PDS5B: variants seen among roughly 807,000 people sequenced by gnomAD.
PDS5B encodes the protein PDS5 cohesin associated factor B.
In PDS5B, 51 loss-of-function variants were observed where a neutral mutation model predicts 184.1. That is an observed-to-expected ratio of 0.28 (90% confidence interval 0.22 to 0.35). The LOEUF (loss-of-function observed/expected upper bound fraction) is 0.35. Ranked by LOEUF, PDS5B falls within the 10% of genes least tolerant of loss-of-function variation. PDS5B has a pLI of 1.00. For missense variants in PDS5B, 1,180 were observed against 1,723.3 expected, an observed-to-expected ratio of 0.68 and a Z score of 5.58; for synonymous variants, 566 against 569.2, an observed-to-expected ratio of 0.99 and a Z score of 0.08.
chr13:32,663,641 G>A (rs893495558), intron 6 of PDS5B, among the ~76,000 whole-genome samples: 1 of 152,178 alleles, frequency 6.6e-6, no homozygotes, highest in Non-Finnish European at 1.5e-5. Context: ...TCTTTGATGT[G>A]AGGAACATTG....
At chr13:32,717,701 A>T (rs1344296460) in intron 19 of PDS5B, among the ~76,000 whole-genome samples, 3 of 149,472 alleles carry the variant, frequency 2.0e-5, no homozygotes, top group African/African-American at 7.5e-5. Context: ...AAAAAAAAAA[A>T]ATAAATAAAT....
intron 17 of PDS5B, 21 bp downstream of exon 17, chr13:32,701,459 A>C (rs764365652): frequency 7.2e-7 from 1 of 1,385,904 alleles, no homozygotes; most frequent in Non-Finnish European, 1.0e-6. Flanking sequence ...ATAAAATACT[A>C]AGTTCTCATT....
intron 11 of PDS5B, 73 bp downstream of exon 11, chr13:32,684,096 A>C (rs1831168596): frequency 1.4e-6 from 1 of 705,700 alleles, no homozygotes; most frequent in African/African-American, 1.9e-5. Context: ...TTGAAAATAT[A>C]TTTAAATATA....
intron 5 of PDS5B, 27 bp from the exon 6 acceptor site, chr13:32,659,127 T>G: frequency 1.3e-6 from 2 of 1,503,602 alleles, no homozygotes; most frequent in Non-Finnish European, 1.8e-6. Flanking sequence ...CAGTTGTAAT[T>G]GAAACAAAAT....
chr13:32,668,078 A>T lies in PDS5B; in HGVS notation c.705+234A>T, dbSNP rs573892474. 3.2e-4 allele frequency among the ~76,000 whole-genome samples: 49 copies of T among 152,286 alleles called. 1 individual carries two copies. The South Asian group carries it at 9.8e-3, about 30-fold the overall frequency. ...TTATCTTCTTTCAAATTGCCTGAGA[A>T]CTTAAACAGTTTTATTTTGGTTAGC... On this transcript the variant is annotated intron_variant, in intron 7 of 34. Transcript: ENST00000315596.
intron 1 of PDS5B, among the ~76,000 whole-genome samples, chr13:32,598,770 CTTT>C (rs756301581): frequency 3.2e-5 from 4 of 126,354 alleles, no homozygotes; most frequent in Admixed American, 8.2e-5. Flanking sequence ...TTTTTTCTCT[CTTT>C]TTTTTTTTTT....
intron 19 of PDS5B, among the ~76,000 whole-genome samples, chr13:32,713,057 A>G (rs574382771): frequency 6.6e-6 from 1 of 152,342 alleles, no homozygotes; most frequent in African/African-American, 2.4e-5. Flanking sequence ...GGATCCTGTC[A>G]TAACATGTGA....
At chr13:32,765,157 C>G (rs1392125538) in intron 31 of PDS5B, among the ~76,000 whole-genome samples, 3 of 152,170 alleles carry the variant, frequency 2.0e-5, no homozygotes, top group Non-Finnish European at 4.4e-5. Flanking sequence ...AGCATAGACA[C>G]AAAATACAGT....
intron 19 of PDS5B, among the ~76,000 whole-genome samples, chr13:32,719,537 C>A (rs1174653989): frequency 2.6e-5 from 4 of 151,324 alleles, no homozygotes; most frequent in Non-Finnish European, 5.9e-5. Flanking sequence ...TATGTGTTAC[C>A]CCCCACTCCC....
intron 1 of PDS5B, among the ~76,000 whole-genome samples, chr13:32,623,587 G>A (rs2058331117): frequency 6.6e-6 from 1 of 152,168 alleles, no homozygotes; most frequent in Non-Finnish European, 1.5e-5. Flanking sequence ...GCAAGATGGA[G>A]TCAGTTATGT....
intron 21 of PDS5B, among the ~76,000 whole-genome samples, chr13:32,738,716 C>A (rs139113554): frequency 0.026 from 4,007 of 152,150 alleles, 73 homozygotes; most frequent in Non-Finnish European, 0.04. Flanking sequence ...CTGTCACCCA[C>A]ACTGGAGTGC....
At chr13:32,691,837 C>T (rs1013219551) in intron 13 of PDS5B, among the ~76,000 whole-genome samples, 5 of 152,086 alleles carry the variant, frequency 3.3e-5, no homozygotes, top group Non-Finnish European at 5.9e-5. Flanking sequence ...TGGATTTCTA[C>T]GTCCTCCTGT....
rs543632735 is a variant in PDS5B, at chr13:32,604,799, T to C, written c.-20+18206T>C. ...ATTCAACTTCTTCCTGGTTTAGTCT[T>C]GGGAGGGTGTATGTGTCCAGGAATT... is the stretch of plus-strand genomic sequence containing the variant. On this transcript the variant is annotated intron_variant, in intron 1 of 34. Transcript: ENST00000315596. Among the ~76,000 whole-genome samples the C allele has an allele frequency of 2.4e-3, 363 of 152,358 alleles. 1 individual carries two copies. Among genetic ancestry groups the C allele is most frequent in the African/African-American group, 8.0e-3 (332 of 41,588 alleles).
intron 6 of PDS5B, among the ~76,000 whole-genome samples, 182 bp downstream of exon 6, chr13:32,659,462 TA>T (rs1950591717): frequency 6.6e-6 from 1 of 152,246 alleles, no homozygotes; most frequent in Non-Finnish European, 1.5e-5. Context: ...TAATAACTAA[TA>T]AGAAATTGTA....
intron 1 of PDS5B, among the ~76,000 whole-genome samples, chr13:32,645,308 T>A (rs1007223715): frequency 6.6e-5 from 10 of 152,208 alleles, no homozygotes; most frequent in Non-Finnish European, 1.3e-4. Flanking sequence ...TGGGTTTTGT[T>A]GTCAGAGTTA....
chr13:32,597,603 G>A (rs1051463920), intron 1 of PDS5B, among the ~76,000 whole-genome samples: 2 of 151,832 alleles, frequency 1.3e-5, no homozygotes, highest in African/African-American at 2.4e-5. Context: ...AGGCCGAGGG[G>A]GGGGCGGCAG....
intron 10 of PDS5B, 42 bp downstream of exon 10, chr13:32,678,971 C>T (rs763208637): frequency 5.5e-6 from 6 of 1,083,432 alleles, no homozygotes; most frequent in Admixed American, 1.8e-5. Flanking sequence ...ACGTGCTCTT[C>T]AGTGGAAAAA....
Position 32,758,588 on chromosome 13 carries a change from A to T in PDS5B, c.3244A>T (p.Thr1082Ser), listed in dbSNP as rs1265987542. 1 of 1,611,348 alleles carries T rather than the reference A, an allele frequency of 6.2e-7. No individual in the cohort carries two copies. The highest frequency in any genetic ancestry group is 8.5e-7 in the Non-Finnish European group (1 of 1,177,550). The change falls in exon 28 of 35, where the codon ACA (threonine) becomes TCA (serine). Residue 1082 changes from threonine to serine, a missense_variant. By Grantham distance (58) the Thr-to-Ser change is moderately conservative. Around this residue, in one of 11 missense-constraint regions of PDS5B, gnomAD observed 465 missense variants for 497.8 expected, o/e 0.93. Transcript: ENST00000315596. ...AMNIIMSKST[T>S]YSLESPKDPV... ...GAATATCATCATGTCAAAGAGTACT[A>T]CATACAGTTTGGAATCTCCTAAAGA...
chr13:32,616,046 CCTCT>C (rs763487568), intron 1 of PDS5B, among the ~76,000 whole-genome samples: 79 of 151,058 alleles, frequency 5.2e-4, no homozygotes, highest in African/African-American at 1.2e-3. Flanking sequence ...TATTTTTCCT[CCTCT>C]CTCTCTCTCT....
Sources: gnomAD v4.1 joint callset for allele counts (sites outside exome capture counted in the v4.1 genomes callset) on GRCh38, gnomAD v4.1.1 for gene constraint, gnomAD v4.1.1 regional missense constraint, MANE v1.5 for transcripts, NCBI Gene and HGNC (gene_info 2026-07-23, HGNC 2026-07-21) for gene names.